The following LEKR1 variants were observed in gnomAD, a reference collection of about 807,000 sequenced individuals.
LEKR1 encodes the protein protein LEKR1.
In LEKR1, 59 loss-of-function variants were observed where a neutral mutation model predicts 72.4. That is an observed-to-expected ratio of 0.82 (90% CI 0.66 to 1.01). LEKR1 has a LOEUF of 1.01. LEKR1 is among the 50% of genes least tolerant of loss of function. LEKR1 has a pLI of 0.00. For synonymous variants in LEKR1, 257 were observed against 263.2 expected (o/e 0.98, Z 0.23); for missense variants, 728 against 759.2 (o/e 0.96, Z 0.48).
At position 157,045,728 on chromosome 3, in the gene LEKR1, G is replaced by C; in HGVS notation, c.2057G>C (p.Arg686Thr). The change falls in exon 13 of 13, where the codon AGG becomes ACG. Residue 686 changes from arginine to threonine, a missense_variant. By Grantham distance (71) the Arg-to-Thr change is moderately conservative. Transcript: ENST00000356539. ...AGACAGAGACTGGCTGCCATTCTTA[G>C]GAGAAGGCGGAGTCAGCAATGATCC... ...ETRQRLAAILRRRRSQQ is the reference protein window; with the variant it reads ...ETRQRLAAILTRRRSQQ 6.2e-7 allele frequency: 1 copy of C among 1,609,288 alleles called. No individual in the cohort carries two copies. Among genetic ancestry groups the C allele is most frequent in the Non-Finnish European group, 8.5e-7 (1 of 1,179,960 alleles).
Position 157,011,408 on chromosome 3 carries a change from T to A in LEKR1, c.1110-5T>A. 9.3e-6 allele frequency: 15 copies of A among 1,608,838 alleles called. No individual in the cohort carries two copies. The highest frequency in any genetic ancestry group is 1.3e-5 in the Non-Finnish European group (15 of 1,175,454). On this transcript the variant is annotated splice_polypyrimidine_tract_variant and splice_region_variant and intron_variant, in intron 9 of 12. Coordinates refer to ENST00000356539, the MANE Select transcript of LEKR1 (RefSeq NM_001004316.3). ...TGACTCATTTGTCGGGTTTGTGATT[T>A]TCAGGGAATTGATGCTGATTTCACA... is the stretch of plus-strand genomic sequence containing the variant.
At chr3:156,873,689 A>G (rs1263048678) in intron 3 of LEKR1, among the ~76,000 whole-genome samples, 1 of 152,008 alleles carries the variant, frequency 6.6e-6, no homozygotes, top group Non-Finnish European at 1.5e-5. Flanking sequence ...TCTAGTGGTG[A>G]TGAATTCCCT....
At chr3:156,865,079 T>A (rs2108543802) in intron 3 of LEKR1, among the ~76,000 whole-genome samples, 1 of 152,190 alleles carries the variant, frequency 6.6e-6, no homozygotes, top group East Asian at 1.9e-4. Flanking sequence ...TTCACCTGGC[T>A]GTATCACAAG....
At chr3:157,012,282 G>A (rs1417645291) in intron 10 of LEKR1, among the ~76,000 whole-genome samples, 1 of 152,006 alleles carries the variant, frequency 6.6e-6, no homozygotes, top group Non-Finnish European at 1.5e-5. Context: ...TGGTATCTAT[G>A]CCTAGCACTG....
intron 3 of LEKR1, among the ~76,000 whole-genome samples, chr3:156,860,338 T>A (rs1481229192): frequency 6.6e-6 from 1 of 152,224 alleles, no homozygotes; most frequent in Non-Finnish European, 1.5e-5. Context: ...CCTCTTCAGT[T>A]TCTCCTCCGC....
intron 7 of LEKR1, among the ~76,000 whole-genome samples, chr3:156,989,902 C>A (rs1297668101): frequency 6.6e-6 from 1 of 152,176 alleles, no homozygotes; most frequent in Admixed American, 6.5e-5. Flanking sequence ...TGCAACATAG[C>A]CCTTTACCTC....
chr3:157,015,973 A>C (rs1455270340), intron 10 of LEKR1, among the ~76,000 whole-genome samples: 1 of 152,134 alleles, frequency 6.6e-6, no homozygotes, highest in Non-Finnish European at 1.5e-5. Context: ...CCAGAAGAAA[A>C]GCTTAGTGAA....
chr3:157,037,128 C>T (rs1735021313), intron 12 of LEKR1, among the ~76,000 whole-genome samples: 1 of 152,098 alleles, frequency 6.6e-6, no homozygotes. Context: ...CCTCATCTTC[C>T]ATTCCATGCA....
At chr3:156,912,717 T>C (rs62275796) in intron 3 of LEKR1, among the ~76,000 whole-genome samples, 4,846 of 152,320 alleles carry the variant, frequency 0.032, 117 homozygotes, top group Non-Finnish European at 0.047. Context: ...CAGACTTTCA[T>C]GAGGTTCCCT....
chr3:157,028,815 T>C (rs1463841013), intron 12 of LEKR1, among the ~76,000 whole-genome samples: 1 of 152,224 alleles, frequency 6.6e-6, no homozygotes, highest in African/African-American at 2.4e-5. Flanking sequence ...AACACAATTT[T>C]ACCTTAGGTT....
At chr3:156,875,345 G>A (rs1021864094) in intron 3 of LEKR1, among the ~76,000 whole-genome samples, 3 of 152,024 alleles carry the variant, frequency 2.0e-5, no homozygotes, top group African/African-American at 7.2e-5. Context: ...GTCTATTCAT[G>A]TCCTTAGCCC....
At chr3:156,900,665 A>G (rs1721937383) in intron 3 of LEKR1, among the ~76,000 whole-genome samples, 1 of 152,202 alleles carries the variant, frequency 6.6e-6, no homozygotes, top group Non-Finnish European at 1.5e-5. Context: ...TAGTAGAAAA[A>G]CTGGCCAAAA....
At chr3:156,909,669 A>AAAAG (rs796437484) in intron 3 of LEKR1, among the ~76,000 whole-genome samples, 21,050 of 145,812 alleles carry the variant, frequency 0.14, 2,449 homozygotes, top group African/African-American at 0.3. Context: ...AAAAAAAAAA[A>AAAAG]AAAGAAATCT....
rs1368714809 is a variant in LEKR1, at chr3:156,973,042, CAA to C, written c.746-6151_746-6150del. The stretch of plus-strand genomic sequence containing the variant: ...AAATAAGAAAGTTACATTTTAATGC[CAA>C]GACACATACCAGATAATATCAATGA... On this transcript the variant is annotated intron_variant, in intron 6 of 12. Coordinates refer to ENST00000356539, the MANE Select transcript of LEKR1 (RefSeq NM_001004316.3). 2.6e-5 allele frequency among the ~76,000 whole-genome samples: 4 copies of C among 151,772 alleles called. No homozygotes were observed. In the East Asian group the frequency reaches 5.8e-4, roughly 22 times the overall value.
intron 3 of LEKR1, among the ~76,000 whole-genome samples, chr3:156,914,150 T>C (rs1407604417): frequency 2.0e-5 from 3 of 152,188 alleles, no homozygotes; most frequent in Admixed American, 1.3e-4. Context: ...CTCAATTCTT[T>C]AAAAAAATTT....
chr3:156,834,117 C>A (rs1303018189), intron 2 of LEKR1, among the ~76,000 whole-genome samples: 1 of 151,812 alleles, frequency 6.6e-6, no homozygotes, highest in Admixed American at 6.6e-5. Context: ...CCTAAACATC[C>A]CCCCATAACT....
At chr3:156,865,596 A>G (rs1186037223) in intron 3 of LEKR1, among the ~76,000 whole-genome samples, 2 of 43,982 alleles carry the variant, frequency 4.5e-5, no homozygotes, top group African/African-American at 2.8e-4. Context: ...TCATCCCTCT[A>G]TCATCTCCCT....
At chr3:157,002,727 A>G (rs1353737188) in intron 9 of LEKR1, among the ~76,000 whole-genome samples, 1 of 152,152 alleles carries the variant, frequency 6.6e-6, no homozygotes, top group African/African-American at 2.4e-5. Context: ...TTTTATAACA[A>G]TTTACTCAAA....
intron 12 of LEKR1, among the ~76,000 whole-genome samples, chr3:157,043,547 C>A (rs913384674): frequency 6.6e-6 from 1 of 151,878 alleles, no homozygotes; most frequent in Non-Finnish European, 1.5e-5. Context: ...CAGCATGGAG[C>A]AGGTCTCTGA....
Sources: allele counts gnomAD v4.1 joint callset (sites outside exome capture counted in the v4.1 genomes callset), GRCh38; gene constraint gnomAD v4.1.1; transcripts MANE v1.5; gene names NCBI Gene and HGNC (gene_info 2026-07-23, HGNC 2026-07-21).